Variants in CUL5 observed in about 807,000 individuals in gnomAD.
CUL5 encodes the protein cullin 5, also known as cullin-5.
A neutral mutation model predicts 108.8 loss-of-function variants in CUL5; 26 were observed. The observed-to-expected ratio is 0.24, with a 90% confidence interval of 0.18 to 0.33. The LOEUF (loss-of-function observed/expected upper bound fraction) is 0.33. CUL5 is among the 10% of genes least tolerant of loss of function. The pLI, the probability that CUL5 is intolerant of heterozygous loss-of-function variation, is 1.00. For synonymous variants in CUL5, 334 were observed against 298.0 expected, an observed-to-expected ratio of 1.12 and a Z score of -1.25; for missense variants, 524 against 909.2, an observed-to-expected ratio of 0.58 and a Z score of 5.45.
intron 1 of CUL5, among the ~76,000 whole-genome samples, chr11:108,015,622 C>G (rs1349002499): frequency 1.3e-5 from 2 of 152,140 alleles, no homozygotes; most frequent in East Asian, 3.9e-4. Context: ...AAACAAATTT[C>G]AAGGGTGTCT....
chr11:108,069,053 G>C (rs552426825), intron 7 of CUL5, among the ~76,000 whole-genome samples: 4 of 152,306 alleles, frequency 2.6e-5, no homozygotes, highest in Non-Finnish European at 5.9e-5. Flanking sequence ...CCAGGAGTTT[G>C]TGACCAGCCT....
intron 2 of CUL5, 31 bp downstream of exon 2, chr11:108,033,942 A>C: frequency 1.5e-6 from 2 of 1,356,858 alleles, no homozygotes; most frequent in South Asian, 2.4e-5. Context: ...GTTTGCTAGC[A>C]TAAAGGAAAT....
chr11:108,036,495 T>C (rs1862747489), intron 2 of CUL5, among the ~76,000 whole-genome samples: 1 of 152,226 alleles, frequency 6.6e-6, no homozygotes, highest in Non-Finnish European at 1.5e-5. Context: ...TTATTTATTA[T>C]TGAGACAGAG....
At chr11:108,065,115 T>C (rs778864718) in intron 7 of CUL5, among the ~76,000 whole-genome samples, 4 of 152,036 alleles carry the variant, frequency 2.6e-5, no homozygotes, top group Non-Finnish European at 4.4e-5. Flanking sequence ...AAGCTCCGCC[T>C]CCTGGGTTCA....
At chr11:108,075,245 C>T (rs1369877746) in intron 10 of CUL5, among the ~76,000 whole-genome samples, 2 of 150,878 alleles carry the variant, frequency 1.3e-5, no homozygotes, top group East Asian at 2.0e-4. Flanking sequence ...GGGACGATAG[C>T]GTGGCGTATT....
At chr11:108,103,994 G>C (rs2135257256) in intron 18 of CUL5, among the ~76,000 whole-genome samples, 196 bp from the exon 19 acceptor site, 1 of 152,012 alleles carries the variant, frequency 6.6e-6, no homozygotes, top group East Asian at 1.9e-4. Flanking sequence ...CTCTTTTATG[G>C]GGCATGAGAA....
intron 4 of CUL5, 33 bp downstream of exon 4, chr11:108,050,099 T>C (rs575615804): frequency 6.6e-7 from 1 of 1,519,678 alleles, no homozygotes; most frequent in African/African-American, 1.4e-5. Context: ...TTTCCTAATA[T>C]TCTTCAGAAA....
At chr11:108,093,887 T>C (rs1864421709) in intron 13 of CUL5, among the ~76,000 whole-genome samples, 1 of 152,064 alleles carries the variant, frequency 6.6e-6, no homozygotes, top group Non-Finnish European at 1.5e-5. Flanking sequence ...TTTTTTGTAG[T>C]GATGGGGGTG....
intron 10 of CUL5, among the ~76,000 whole-genome samples, chr11:108,076,889 G>C (rs1863953558): frequency 6.6e-6 from 1 of 152,244 alleles, no homozygotes; most frequent in Admixed American, 6.5e-5. Context: ...AGGGAAGACT[G>C]TAAGAGAAAT....
chr11:108,045,802 G>C (rs1235170630), intron 2 of CUL5, among the ~76,000 whole-genome samples: 1 of 152,188 alleles, frequency 6.6e-6, no homozygotes, highest in African/African-American at 2.4e-5. Flanking sequence ...CAAGGCTGCA[G>C]TGAGCCGTGA....
intron 1 of CUL5, among the ~76,000 whole-genome samples, chr11:108,014,693 G>A (rs547082363): frequency 3.3e-5 from 5 of 152,258 alleles, no homozygotes; most frequent in South Asian, 2.1e-4. Flanking sequence ...TTCATTGAAC[G>A]AGAATTTAGT....
intron 11 of CUL5, among the ~76,000 whole-genome samples, chr11:108,079,122 G>T (rs1180092267): frequency 1.3e-5 from 2 of 151,348 alleles, no homozygotes; most frequent in African/African-American, 4.9e-5. Context: ...TTATTTATTC[G>T]AGACAGGGTC....
intron 7 of CUL5, among the ~76,000 whole-genome samples, chr11:108,059,241 C>T (rs1032138813): frequency 6.6e-6 from 1 of 152,140 alleles, no homozygotes; most frequent in South Asian, 2.1e-4. Flanking sequence ...TCCTGCATAC[C>T]TTAGTATTTC....
intron 3 of CUL5, among the ~76,000 whole-genome samples, chr11:108,047,637 G>T (rs1385594460): frequency 6.6e-6 from 1 of 152,108 alleles, no homozygotes; most frequent in East Asian, 1.9e-4. Flanking sequence ...ATAGTTTCTT[G>T]ACAAATTTTT....
intron 11 of CUL5, among the ~76,000 whole-genome samples, chr11:108,078,753 G>C (rs959597871): frequency 1.3e-5 from 2 of 152,046 alleles, no homozygotes; most frequent in African/African-American, 4.8e-5. Flanking sequence ...CTTTTGATGT[G>C]CTTCTAGCTA....
chr11:108,046,835 A>G (rs868426469), intron 3 of CUL5, among the ~76,000 whole-genome samples: 1 of 152,250 alleles, frequency 6.6e-6, no homozygotes, highest in South Asian at 2.1e-4. Flanking sequence ...GTATAAATCA[A>G]AAATTTTGAT....
chr11:108,011,246 G>C (rs982042234), intron 1 of CUL5, among the ~76,000 whole-genome samples: 3 of 152,184 alleles, frequency 2.0e-5, no homozygotes, highest in African/African-American at 4.8e-5. Context: ...GTTTGGAGGA[G>C]AAGCTACTTT....
chr11:108,104,139 TTAAAA>T (rs769873696), intron 18 of CUL5, 46 bp from the exon 19 acceptor site: 1 of 1,245,248 alleles, frequency 8.0e-7, no homozygotes, highest in Non-Finnish European at 1.1e-6. Context: ...TTTGTTGTAC[TTAAAA>T]TAATTTCGTA....
chr11:108,083,867 G>A (rs1864158830), intron 11 of CUL5, among the ~76,000 whole-genome samples: 1 of 152,180 alleles, frequency 6.6e-6, no homozygotes, highest in African/African-American at 2.4e-5. Context: ...GTGTGGAGGA[G>A]GTGATGTTCT....
Sources: allele counts gnomAD v4.1 joint callset (sites outside exome capture counted in the v4.1 genomes callset), GRCh38; gene constraint gnomAD v4.1.1; transcripts MANE v1.5; gene names NCBI Gene and HGNC (gene_info 2026-07-23, HGNC 2026-07-21).